The following CDK14 variants were observed in gnomAD, a reference collection of about 807,000 sequenced individuals.
CDK14 encodes cyclin-dependent kinase 14.
A neutral mutation model predicts 60.7 loss-of-function variants in CDK14; 34 were observed. The observed-to-expected ratio is 0.56, with a 90% CI of 0.43 to 0.75. The LOEUF (loss-of-function observed/expected upper bound fraction) is 0.75, where lower values mean the gene tolerates loss of function less well. Among genes scored for constraint, CDK14 ranks in the 30% least tolerant of loss-of-function variants. The probability of loss-of-function intolerance (pLI) is 0.00; values close to 1 mark genes in which losing one functional copy is unlikely to be tolerated. For missense variants in CDK14, 482 were observed against 564.1 expected (o/e 0.85, Z 1.47); for synonymous variants, 197 against 203.7 (o/e 0.97, Z 0.28).
At chr7:90,830,192 C>A (rs1789870012) in intron 5 of CDK14, among the ~76,000 whole-genome samples, 1 of 152,230 alleles carries the variant, frequency 6.6e-6, no homozygotes, top group Admixed American at 6.5e-5. Flanking sequence ...CTGCAGCAGA[C>A]TTCTGCCTGG....
At chr7:91,076,734 A>G (rs547809246) in intron 11 of CDK14, among the ~76,000 whole-genome samples, 2 of 152,310 alleles carry the variant, frequency 1.3e-5, no homozygotes, top group Non-Finnish European at 2.9e-5. Context: ...ATGGGGGAAC[A>G]TTTTTGCAAT....
intron 4 of CDK14, among the ~76,000 whole-genome samples, chr7:90,790,292 G>A (rs565340040): frequency 3.3e-5 from 5 of 152,128 alleles, no homozygotes; most frequent in East Asian, 1.9e-4. Context: ...ATCAAGTGTG[G>A]TGATTTGGTT....
chr7:90,907,400 G>A (rs748604769), intron 7 of CDK14, among the ~76,000 whole-genome samples: 4 of 151,880 alleles, frequency 2.6e-5, no homozygotes, highest in Non-Finnish European at 5.9e-5. Context: ...AGTTTTTCAT[G>A]TGTTCTTTAA....
intron 5 of CDK14, among the ~76,000 whole-genome samples, chr7:90,857,295 T>C (rs1790855950): frequency 6.6e-6 from 1 of 152,126 alleles, no homozygotes; most frequent in Non-Finnish European, 1.5e-5. Flanking sequence ...AAGGTTTGAG[T>C]ATGGCTGCGA....
chr7:90,906,557 G>A (rs1461031563), intron 7 of CDK14, among the ~76,000 whole-genome samples: 1 of 152,068 alleles, frequency 6.6e-6, no homozygotes, highest in Non-Finnish European at 1.5e-5. Flanking sequence ...TCATTCTGCA[G>A]CATGACAGTA....
At chr7:90,992,516 A>G (rs999071821) in intron 10 of CDK14, among the ~76,000 whole-genome samples, 2 of 152,232 alleles carry the variant, frequency 1.3e-5, no homozygotes, top group Non-Finnish European at 2.9e-5. Flanking sequence ...GTAAGGAAAG[A>G]TAGACAGTGA....
At chr7:90,612,636 G>A (rs1485487135) in intron 2 of CDK14, among the ~76,000 whole-genome samples, 1 of 152,014 alleles carries the variant, frequency 6.6e-6, no homozygotes, top group Middle Eastern at 3.2e-3. Context: ...GCTGGGTGTG[G>A]TGGTGGGTAC....
At chr7:91,014,945 G>A (rs1796258102) in intron 10 of CDK14, among the ~76,000 whole-genome samples, 1 of 152,066 alleles carries the variant, frequency 6.6e-6, no homozygotes, top group African/African-American at 2.4e-5. Flanking sequence ...AATTCATATT[G>A]CTTGCTTGCA....
chr7:90,836,013 C>A (rs76941608), intron 5 of CDK14, among the ~76,000 whole-genome samples: 52 of 152,132 alleles, frequency 3.4e-4, no homozygotes, highest in African/African-American at 1.2e-3. Flanking sequence ...AATGGTACAC[C>A]TATATAGAGC....
At chr7:90,630,453 TTA>T (rs1162956104) in intron 2 of CDK14, among the ~76,000 whole-genome samples, 1 of 152,180 alleles carries the variant, frequency 6.6e-6, no homozygotes, top group Non-Finnish European at 1.5e-5. Context: ...GGGACCAGAA[TTA>T]TATATGAAGT....
At chr7:90,615,940 C>A (rs1409867796) in intron 2 of CDK14, among the ~76,000 whole-genome samples, 1 of 152,126 alleles carries the variant, frequency 6.6e-6, no homozygotes, top group African/African-American at 2.4e-5. Context: ...TGTGTCATAT[C>A]CCTCAAGTGA....
intron 5 of CDK14, among the ~76,000 whole-genome samples, chr7:90,862,415 G>A (rs1430196389): frequency 6.6e-6 from 1 of 152,128 alleles, no homozygotes; most frequent in African/African-American, 2.4e-5. Context: ...TAGGAGTAAA[G>A]AGGACATTAC....
rs181090693 is a variant in CDK14, at chr7:90,640,272, C to G, written c.123+36023C>G. On this transcript the variant is annotated intron_variant, in intron 2 of 14. Transcript: ENST00000380050. Reference sequence around the variant, plus strand: ...TATTCGGCCATCTTGGCTCCTCCCTCTCTTCCTTATGTTTAATAACTATCA... The same window carrying G: ...TATTCGGCCATCTTGGCTCCTCCCTGTCTTCCTTATGTTTAATAACTATCA... 7.9e-3 allele frequency among the ~76,000 whole-genome samples: 1,195 copies of G among 152,220 alleles called. 6 individuals are homozygous for G. The highest frequency in any genetic ancestry group is 0.012 in the Non-Finnish European group (826 of 68,008).
intron 10 of CDK14, among the ~76,000 whole-genome samples, chr7:91,027,415 C>T (rs1796604557): frequency 1.3e-5 from 2 of 152,118 alleles, no homozygotes; most frequent in Admixed American, 1.3e-4. Flanking sequence ...TAGGAGTGCC[C>T]CAAAGTTTCA....
At chr7:90,665,703 A>G (rs1800964162) in intron 2 of CDK14, among the ~76,000 whole-genome samples, 1 of 152,188 alleles carries the variant, frequency 6.6e-6, no homozygotes, top group South Asian at 2.1e-4. Context: ...TTTCTAGTGT[A>G]TGTAATACAG....
At chr7:91,008,641 T>G (rs1357952934) in intron 10 of CDK14, among the ~76,000 whole-genome samples, 1 of 152,158 alleles carries the variant, frequency 6.6e-6, no homozygotes, top group Non-Finnish European at 1.5e-5. Context: ...GCAGTTGGAA[T>G]AAGCATATTC....
At chr7:90,668,127 A>G (rs1024937015) in intron 2 of CDK14, among the ~76,000 whole-genome samples, 5 of 152,330 alleles carry the variant, frequency 3.3e-5, no homozygotes, top group Non-Finnish European at 7.3e-5. Context: ...GCAACATGTT[A>G]TATTTCTACC....
intron 14 of CDK14, among the ~76,000 whole-genome samples, chr7:91,144,039 G>C (rs1160520004): frequency 6.6e-6 from 1 of 152,162 alleles, no homozygotes; most frequent in African/African-American, 2.4e-5. Context: ...ATCTAAGCCT[G>C]TGCAGCTATT....
intron 6 of CDK14, among the ~76,000 whole-genome samples, chr7:90,879,631 C>G (rs1268281633): frequency 1.3e-5 from 2 of 152,098 alleles, no homozygotes; most frequent in Non-Finnish European, 2.9e-5. Flanking sequence ...GGCCTCTATT[C>G]TGTTCCTAAT....
Sources: gnomAD v4.1 joint callset for allele counts (sites outside exome capture counted in the v4.1 genomes callset) on GRCh38, gnomAD v4.1.1 for gene constraint, MANE v1.5 for transcripts, NCBI Gene and HGNC (gene_info 2026-07-23, HGNC 2026-07-21) for gene names.